Variants in HOMER3 observed in about 807,000 individuals in gnomAD.
HOMER3 encodes homer protein homolog 3.
A neutral mutation model predicts 45.5 loss-of-function variants in HOMER3; 34 were observed. That is an observed-to-expected ratio of 0.75 (90% CI 0.57 to 1.00). HOMER3 has a LOEUF of 1.00. Ranked by LOEUF, HOMER3 falls within the 50% of genes least tolerant of loss-of-function variation. The pLI, the probability that HOMER3 is intolerant of heterozygous loss-of-function variation, is 0.00. For missense variants in HOMER3, 480 were observed against 497.5 expected, an observed-to-expected ratio of 0.96 and a Z score of 0.33; for synonymous variants, 223 against 208.8, an observed-to-expected ratio of 1.07 and a Z score of -0.58.
intron 4 of HOMER3, among the ~76,000 whole-genome samples, chr19:18,937,582 G>C (rs953290220): frequency 1.3e-5 from 2 of 149,276 alleles, no homozygotes; most frequent in South Asian, 2.1e-4. Flanking sequence ...TGAGGCAGGA[G>C]AATCGCTTGA....
At chr19:18,932,890 CGCCCCTG>C in intron 6 of HOMER3, 27 bp downstream of exon 6, 17 of 1,025,088 alleles carry the variant, frequency 1.7e-5, no homozygotes, top group Non-Finnish European at 2.3e-5. Context: ...CCCCTACCCC[CGCCCCTG>C]CCACGCCCCC....
At chr19:18,930,063 A>C (rs544046387) in intron 9 of HOMER3, among the ~76,000 whole-genome samples, 124 of 151,996 alleles carry the variant, frequency 8.2e-4, no homozygotes, top group African/African-American at 2.6e-3. Context: ...CAGCTTGGCC[A>C]ACATGGTAAA....
Position 18,929,632 on chromosome 19 carries a change from G to C in HOMER3, c.897C>G (p.Asp299Glu). Residue 299 changes from aspartate to glutamate, a missense_variant and splice_region_variant, in exon 10 of 10, where the codon GAC (aspartate) becomes GAG (glutamate). By Grantham distance (45) the Asp-to-Glu change is conservative. Coordinates refer to ENST00000392351, the MANE Select transcript of HOMER3 (RefSeq NM_004838.4). ...CCAACTCCGCATTGCGGGTCTCCAG[G>C]TCCTGCCAGGAAAGGGTGGGCAGGG... is the stretch of plus-strand genomic sequence containing the variant. ...EREETQQKVQ[D>E]LETRNAELEH... The C allele has an allele frequency of 4.0e-6, 6 of 1,509,612 alleles. No homozygotes were observed. The highest frequency in any genetic ancestry group is 5.3e-6 in the Non-Finnish European group (6 of 1,125,330). The allele number at this position is 1,509,612 out of a possible 1,614,324, so 93.5% of individuals were successfully genotyped here. A position where few individuals can be genotyped will look rare whatever the true frequency, so the allele number is the denominator to read the frequency against.
At position 18,929,303 on chromosome 19, in the gene HOMER3, C is replaced by A. The variant is rs2057001820; in HGVS notation, c.*140G>T. 1.0e-6 allele frequency: 1 copy of A among 961,166 alleles called. No homozygotes were observed. Among genetic ancestry groups the A allele is most frequent in the Non-Finnish European group, 1.7e-6 (1 of 598,144 alleles). 59.5% of individuals were successfully genotyped at this position (961,166 alleles called of 1,614,324 possible). A position where few individuals can be genotyped will look rare whatever the true frequency, so the allele number is the denominator to read the frequency against. On this transcript the variant is annotated 3_prime_UTR_variant, in exon 10 of 10. Coordinates refer to ENST00000392351, the MANE Select transcript of HOMER3 (RefSeq NM_004838.4). ...ACAACCAGAGCCGACTGGGGCCCAC[C>A]CCAGCCCAGCCCGGCCCGGCCCACC...
At chr19:18,932,206 G>A in intron 6 of HOMER3, 74 bp from the exon 7 acceptor site, 1 of 1,341,760 alleles carries the variant, frequency 7.5e-7, no homozygotes, top group Non-Finnish European at 1.0e-6. Flanking sequence ...GGGCTAGGGG[G>A]CGGGGCCAGG....
chr19:18,930,932 C>T (rs949639295), intron 9 of HOMER3, among the ~76,000 whole-genome samples: 3 of 151,678 alleles, frequency 2.0e-5, no homozygotes, highest in South Asian at 2.1e-4. Context: ...TGCTTCAACC[C>T]GGGAGGTGGA....
chr19:18,938,093 G>A (rs1193034052), intron 4 of HOMER3, among the ~76,000 whole-genome samples: 1 of 152,060 alleles, frequency 6.6e-6, no homozygotes, highest in Non-Finnish European at 1.5e-5. Flanking sequence ...TCAGGAGGCT[G>A]AGGCAGGAGA....
In HOMER3 at chr19:18,931,588, G is replaced by A; in HGVS notation, c.728C>T (p.Thr243Ile). The A allele has an allele frequency of 6.2e-7, 1 of 1,612,880 alleles. No individual in the cohort carries two copies. The highest frequency in any genetic ancestry group is 8.5e-7 in the Non-Finnish European group (1 of 1,179,896). ...ELEAQAASEV[T>I]PTGEKEGLGQ... The stretch of plus-strand genomic sequence containing the variant: ...CAGCCCCTCCTTCTCACCGGTGGGG[G>A]TCACCTCTGAAGCTGCCTGAGCCTC... Residue 243 changes from threonine to isoleucine, a missense_variant, in exon 8 of 10, where the codon ACC (threonine) becomes ATC (isoleucine). Physicochemically the swap from Thr to Ile is moderately conservative, Grantham distance 89 (BLOSUM62 -1). Transcript: ENST00000392351.
chr19:18,935,290 C>A (rs1314774941), intron 4 of HOMER3, among the ~76,000 whole-genome samples: 4 of 151,984 alleles, frequency 2.6e-5, no homozygotes, highest in Non-Finnish European at 5.9e-5. Context: ...CAGGCCCGTG[C>A]CACCACGCCC....
chr19:18,932,972 G>A lies in HOMER3; in HGVS notation c.485C>T (p.Ala162Val). ...CCGCTCGCGCTCTGTGGGGCCGGGG[G>A]CATCAGCGCTCTGGCTGCGGAACAG... Reference protein sequence around the residue: ...EKLFRSQSADAPGPTERERLK... With the variant: ...EKLFRSQSADVPGPTERERLK... The change falls in exon 6 of 10, where the codon GCC becomes GTC. Residue 162 changes from alanine to valine, a missense_variant. By Grantham distance (64) the Ala-to-Val change is moderately conservative. Coordinates refer to ENST00000392351, the MANE Select transcript of HOMER3 (RefSeq NM_004838.4). The A allele has an allele frequency of 1.4e-6, 2 of 1,463,172 alleles. No individual in the cohort carries two copies. The highest frequency in any genetic ancestry group is 1.8e-6 in the Non-Finnish European group (2 of 1,107,962). The allele number at this position is 1,463,172 out of a possible 1,614,324, so 90.6% of individuals were successfully genotyped here.
At chr19:18,937,672 CAA>C (rs398034178) in intron 4 of HOMER3, among the ~76,000 whole-genome samples, 12 of 64,254 alleles carry the variant, frequency 1.9e-4, no homozygotes, top group Admixed American at 1.8e-4. Flanking sequence ...GCATTATCTC[CAA>C]AAAAAAAAAA....
chr19:18,931,150 T>C lies in HOMER3; in HGVS notation c.894+175A>G, dbSNP rs117475500. On this transcript the variant is annotated intron_variant, in intron 9 of 9. Coordinates refer to ENST00000392351, the MANE Select transcript of HOMER3 (RefSeq NM_004838.4). ...ACTCAAGCATTGCTTGTTGAACCCA[T>C]AGATGGATATGAAACTGTACCAACA... 1.4e-3 allele frequency: 806 copies of C among 589,414 alleles called. 3 individuals carry two copies. Among genetic ancestry groups the C allele is most frequent in the Non-Finnish European group, 1.8e-3 (604 of 330,454 alleles). The allele number at this position is 589,414 out of a possible 1,614,324, so 36.5% of individuals were successfully genotyped here.
At chr19:18,938,204 CT>C in intron 4 of HOMER3, 148 bp downstream of exon 4, 1 of 822,586 alleles carries the variant, frequency 1.2e-6, no homozygotes, top group South Asian at 2.4e-5. Flanking sequence ...ACCGGGGAAG[CT>C]TAAAGGGGCT....
intron 4 of HOMER3, among the ~76,000 whole-genome samples, chr19:18,935,617 T>C (rs1040528550): frequency 6.6e-5 from 10 of 152,220 alleles, no homozygotes; most frequent in African/African-American, 2.4e-4. Context: ...AATGTTTACA[T>C]GTTTACATTT....
intron 6 of HOMER3, 34 bp downstream of exon 6, chr19:18,932,890 C>CCG: frequency 9.8e-7 from 1 of 1,025,156 alleles, no homozygotes; most frequent in Non-Finnish European, 1.3e-6. Flanking sequence ...CCCCTACCCC[C>CCG]GCCCCTGCCA....
chr19:18,933,855 C>G (rs1334933189), intron 5 of HOMER3, among the ~76,000 whole-genome samples: 1 of 152,138 alleles, frequency 6.6e-6, no homozygotes, highest in South Asian at 2.1e-4. Context: ...CAGGCGCATG[C>G]CACCACGCCT....
intron 4 of HOMER3, among the ~76,000 whole-genome samples, 163 bp from the exon 5 acceptor site, chr19:18,934,573 T>G (rs1234478827): frequency 6.6e-6 from 1 of 152,134 alleles, no homozygotes; most frequent in East Asian, 1.9e-4. Flanking sequence ...CCATGGTGGG[T>G]GGGCAGGTGG....
chr19:18,930,489 G>A (rs1228438327), intron 9 of HOMER3, among the ~76,000 whole-genome samples: 5 of 150,574 alleles, frequency 3.3e-5, no homozygotes, highest in East Asian at 2.0e-4. Context: ...CGGAGCTTGC[G>A]CCACTGCACT....
In HOMER3 at chr19:18,933,008, C is replaced by T. The variant is rs372302928; in HGVS notation, c.449G>A (p.Gly150Asp). The T allele has an allele frequency of 1.0e-5, 15 of 1,485,622 alleles. No homozygotes were observed. In the African/African-American group the frequency reaches 1.8e-4, roughly 18 times the overall value. 92.0% of individuals were successfully genotyped at this position (1,485,622 alleles called of 1,614,324 possible). ...CTGGCTGCGGAACAGTTTTTCCTCG[C>T]CGGGGCCGTTGGCACTGACGAGAGG... is the stretch of plus-strand genomic sequence containing the variant. Reference protein sequence around the residue: ...PSPLVSANGPGEEKLFRSQSA... With the variant: ...PSPLVSANGPDEEKLFRSQSA... The change falls in exon 6 of 10, where the codon GGC (glycine) becomes GAC (aspartate). Residue 150 changes from glycine (G) to aspartate (D), a missense_variant. Transcript: ENST00000392351.
Sources: gnomAD v4.1 joint callset for allele counts (sites outside exome capture counted in the v4.1 genomes callset) on GRCh38, gnomAD v4.1.1 for gene constraint, MANE v1.5 for transcripts, NCBI Gene and HGNC (gene_info 2026-07-23, HGNC 2026-07-21) for gene names.